The following U2SURP variants were observed in gnomAD, a reference collection of about 807,000 sequenced individuals.
The protein encoded by U2SURP is U2 snRNP associated SURP domain containing.
A neutral mutation model predicts 144.9 loss-of-function variants in U2SURP; 9 were observed. The ratio of observed to expected loss-of-function variants is 0.06; its 90% confidence interval spans 0.04 to 0.11. U2SURP has a LOEUF of 0.11. Ranked by LOEUF, U2SURP falls within the 10% of genes least tolerant of loss-of-function variation. The probability of loss-of-function intolerance (pLI) is 1.00; values close to 1 mark genes in which losing one functional copy is unlikely to be tolerated. For synonymous variants in U2SURP, 408 were observed against 396.8 expected (o/e 1.03, Z -0.33); for missense variants, 724 against 1,226.7 (o/e 0.59, Z 6.12).
In U2SURP at chr3:143,053,780, G is replaced by A. The variant is rs777059310; in HGVS notation, c.2760G>A (p.Pro920=). The change falls in exon 26 of 28, where the codon CCG becomes CCA. Residue 920 remains proline, a synonymous_variant. Coordinates refer to ENST00000473835, the MANE Select transcript of U2SURP (RefSeq NM_001080415.2). Reference sequence around the variant, plus strand: ...AGAAGGAAAAAGATGAGTGTACTCCGACAAGGAAGGAAAGGTATAACATTT... The same window carrying A: ...AGAAGGAAAAAGATGAGTGTACTCCAACAAGGAAGGAAAGGTATAACATTT... ...KDKKEKDECT[P]TRKERKRRHS... 1.3e-5 allele frequency: 20 copies of A among 1,592,098 alleles called. No homozygotes were observed. Among genetic ancestry groups the A allele is most frequent in the South Asian group, 2.3e-5 (2 of 87,044 alleles).
In U2SURP at chr3:143,043,416, C is replaced by T. The variant is rs1025043602; in HGVS notation, c.2544+140C>T. 3 of 840,522 alleles carry T rather than the reference C, an allele frequency of 3.6e-6. No individual in the cohort carries two copies. The African/African-American group carries it at 5.1e-5, about 14-fold the overall frequency. 52.1% of individuals were successfully genotyped at this position (840,522 alleles called of 1,614,324 possible). On this transcript the variant is annotated intron_variant, in intron 24 of 27. Coordinates refer to ENST00000473835, the MANE Select transcript of U2SURP (RefSeq NM_001080415.2). ...GAACTCTTCATACCAGATGACTTTT[C>T]TTCAGGCCTCTTAGTTCAACCGTCT...
At chr3:143,048,482 C>T (rs1934663612) in intron 24 of U2SURP, among the ~76,000 whole-genome samples, 6 of 152,310 alleles carry the variant, frequency 3.9e-5, no homozygotes, top group Admixed American at 3.9e-4. Context: ...CCACCCCACC[C>T]CCTTGCTTTC....
intron 4 of U2SURP, 142 bp from the exon 5 acceptor site, chr3:143,016,115 A>G (rs984647052): frequency 1.0e-5 from 6 of 574,960 alleles, no homozygotes; most frequent in South Asian, 2.7e-5. Context: ...AATATCTTCT[A>G]AAGATTAGAC....
At chr3:143,013,445 A>G (rs1204359938) in intron 3 of U2SURP, among the ~76,000 whole-genome samples, 1 of 152,110 alleles carries the variant, frequency 6.6e-6, no homozygotes, top group Admixed American at 6.5e-5. Context: ...TCTATTCTGC[A>G]TCTCCCAAAG....
chr3:143,009,078 C>T (rs1427546178), intron 1 of U2SURP, among the ~76,000 whole-genome samples: 1 of 152,174 alleles, frequency 6.6e-6, no homozygotes, highest in Non-Finnish European at 1.5e-5. Flanking sequence ...AGCCTCTTGC[C>T]TGAACTTGTT....
intron 1 of U2SURP, among the ~76,000 whole-genome samples, chr3:143,007,673 G>T (rs981383426): frequency 1.3e-5 from 2 of 152,032 alleles, no homozygotes; most frequent in East Asian, 3.9e-4. Flanking sequence ...GATCTCCTCT[G>T]ACTTTGTGAT....
Position 143,023,076 on chromosome 3 carries a change from A to G in U2SURP, c.1230+12A>G. 6.3e-7 allele frequency: 1 copy of G among 1,578,974 alleles called. No individual in the cohort carries two copies. The highest frequency in any genetic ancestry group is 8.6e-7 in the Non-Finnish European group (1 of 1,161,358). ...AGGATTTTGAGAAGGTAATTTAAAA[A>G]ATGGACATAAGGCCGCATCTAATTT... is the stretch of plus-strand genomic sequence containing the variant. On this transcript the variant is annotated intron_variant, in intron 12 of 27. Coordinates refer to ENST00000473835, the MANE Select transcript of U2SURP (RefSeq NM_001080415.2).
At chr3:143,026,227 A>G (rs1933138763) in intron 13 of U2SURP, 1 of 152,192 alleles carries the variant, frequency 6.6e-6, no homozygotes, top group African/African-American at 2.4e-5. Flanking sequence ...ACCCAGCTTC[A>G]GATAAAGACT....
In U2SURP at chr3:143,020,036, A is replaced by G; in HGVS notation, c.638A>G (p.Gln213Arg). The change falls in exon 7 of 28, where the codon CAA becomes CGA. Residue 213 changes from glutamine (Q) to arginine (R), a missense_variant and splice_region_variant. This residue lies in a region of U2SURP where 115 missense variants were observed against 258.1 expected (regional missense o/e 0.45). Transcript: ENST00000473835. ...GAACTCTTCAAAGAAGAATTAAAGC[A>G]GTAAGTTTTATAGTGTGGAGAATAA... Reference protein sequence around the residue: ...NLELFKEELKQIQEERDERHK... With the variant: ...NLELFKEELKRIQEERDERHK... 1 of 1,491,068 alleles carries G rather than the reference A, an allele frequency of 6.7e-7. No homozygotes were observed. Among genetic ancestry groups the G allele is most frequent in the Non-Finnish European group, 9.0e-7 (1 of 1,107,754 alleles). 92.4% of individuals were successfully genotyped at this position (1,491,068 alleles called of 1,614,324 possible). A position where few individuals can be genotyped will look rare whatever the true frequency, so the allele number is the denominator to read the frequency against.
chr3:143,048,875 A>G (rs896267661), intron 24 of U2SURP, among the ~76,000 whole-genome samples: 6 of 152,144 alleles, frequency 3.9e-5, no homozygotes, highest in Non-Finnish European at 5.9e-5. Context: ...GTCTCAAAAA[A>G]TAATTAATTA....
chr3:143,060,352 T>C lies in U2SURP; in HGVS notation c.*3902T>C, dbSNP rs558902016. 77 of 152,124 alleles carry C rather than the reference T, an allele frequency of 5.1e-4. No homozygotes were observed. The highest frequency in any genetic ancestry group is 1.8e-3 in the African/African-American group (76 of 41,558). The allele number at this position is 152,124 out of a possible 1,614,324, so 9.4% of individuals were successfully genotyped here. On this transcript the variant is annotated 3_prime_UTR_variant, in exon 28 of 28. Transcript: ENST00000473835. ...ATATTCTACAGCAAGACAATTTCTT[T>C]TGGGTGAACTGATTCTATAATTTAC... is the stretch of plus-strand genomic sequence containing the variant.
At chr3:143,002,938 G>T (rs1166914045) in intron 1 of U2SURP, among the ~76,000 whole-genome samples, 1 of 152,046 alleles carries the variant, frequency 6.6e-6, no homozygotes, top group Non-Finnish European at 1.5e-5. Context: ...TCTCTTTGGG[G>T]GCGAGCTCTA....
At chr3:143,015,081 C>G (rs1936299188) in intron 4 of U2SURP, among the ~76,000 whole-genome samples, 1 of 152,064 alleles carries the variant, frequency 6.6e-6, no homozygotes, top group African/African-American at 2.4e-5. Flanking sequence ...GGGGCAGTGA[C>G]ATGTTGCACC....
chr3:143,001,768 G>A, intron 1 of U2SURP, 95 bp downstream of exon 1: 1 of 1,531,206 alleles, frequency 6.5e-7, no homozygotes. Context: ...TTGGGATTGG[G>A]GTCTGCATTC....
At position 143,044,490 on chromosome 3, in the gene U2SURP, T is replaced by C. The variant is rs138800027; in HGVS notation, c.2544+1214T>C. 3.7e-3 allele frequency among the ~76,000 whole-genome samples: 563 copies of C among 152,094 alleles called. 2 individuals are homozygous for C. The highest frequency in any genetic ancestry group is 5.9e-3 in the Non-Finnish European group (402 of 67,976). ...TGGATAGAGATGAGGTCTCACTATG[T>C]TGTCCAGGCTGGTCTCACCCTCTCC... On this transcript the variant is annotated intron_variant, in intron 24 of 27. Coordinates refer to ENST00000473835, the MANE Select transcript of U2SURP (RefSeq NM_001080415.2).
chr3:143,038,836 T>C (rs999987753), intron 22 of U2SURP, 58 bp from the exon 23 acceptor site: 1 of 1,286,380 alleles, frequency 7.8e-7, no homozygotes, highest in African/African-American at 1.6e-5. Flanking sequence ...TCCACTGTAC[T>C]ACTGAAAAAA....
intron 7 of U2SURP, among the ~76,000 whole-genome samples, 193 bp from the exon 8 acceptor site, chr3:143,020,406 G>A (rs1936573792): frequency 6.6e-6 from 1 of 152,104 alleles, no homozygotes; most frequent in African/African-American, 2.4e-5. Context: ...GTGTTCCATT[G>A]GTAGTATGAT....
chr3:143,006,648 A>G (rs767694208), intron 1 of U2SURP, among the ~76,000 whole-genome samples: 2 of 152,188 alleles, frequency 1.3e-5, no homozygotes, highest in African/African-American at 2.4e-5. Flanking sequence ...AGGCTGAGGC[A>G]GGAGAATCGC....
chr3:143,007,438 C>G (rs73157683), intron 1 of U2SURP, among the ~76,000 whole-genome samples: 32,559 of 142,280 alleles, frequency 0.23, 3,900 homozygotes, highest in East Asian at 0.37. Flanking sequence ...TGGGTCCTTT[C>G]AAGAGATTTT....
Sources: allele counts gnomAD v4.1 joint callset (sites outside exome capture counted in the v4.1 genomes callset), GRCh38; gene constraint gnomAD v4.1.1; regional missense constraint gnomAD v4.1.1; transcripts MANE v1.5; gene names NCBI Gene and HGNC (gene_info 2026-07-23, HGNC 2026-07-21).